Variants in PARVG observed in about 807,000 individuals in gnomAD.
PARVG encodes gamma-parvin.
PARVG carries 36 observed loss-of-function variants against 44.4 expected under a neutral mutation model. That is an observed-to-expected ratio of 0.81 (90% confidence interval 0.62 to 1.07). The LOEUF (loss-of-function observed/expected upper bound fraction) is 1.07. Ranked by LOEUF, PARVG falls within the 50% of genes least tolerant of loss-of-function variation. The pLI, the probability that PARVG is intolerant of heterozygous loss-of-function variation, is 0.00. For missense variants in PARVG, 407 were observed against 407.4 expected, an observed-to-expected ratio of 1.00 and a Z score of 0.01; for synonymous variants, 170 against 174.1, an observed-to-expected ratio of 0.98 and a Z score of 0.19.
intron 6 of PARVG, among the ~76,000 whole-genome samples, chr22:44,190,153 A>T (rs1198277791): frequency 1.3e-5 from 2 of 152,214 alleles, no homozygotes; most frequent in East Asian, 3.8e-4. Flanking sequence ...CTGCATTCGC[A>T]GCCTGTAAGG....
chr22:44,181,783 T>G lies in PARVG; in HGVS notation c.-147T>G. On this transcript the variant is annotated 5_prime_UTR_variant, in exon 2 of 14. Transcript: ENST00000444313. ...GCCGGCTGAGCGGGCCTGGAGGAAGTGAGCAGCGGGGCTCCTGCCTCCCGG... is the reference window on the plus strand; with the variant it reads ...GCCGGCTGAGCGGGCCTGGAGGAAGGGAGCAGCGGGGCTCCTGCCTCCCGG... The G allele has an allele frequency of 2.0e-6, 2 of 985,324 alleles. No individual in the cohort carries two copies. Among genetic ancestry groups the G allele is most frequent in the Non-Finnish European group, 2.4e-6 (2 of 829,884 alleles). 61.0% of individuals were successfully genotyped at this position (985,324 alleles called of 1,614,324 possible). A position where few individuals can be genotyped will look rare whatever the true frequency, so the allele number is the denominator to read the frequency against.
At chr22:44,185,660 G>A (rs2054454046) in intron 3 of PARVG, 148 bp from the exon 4 acceptor site, 1 of 617,948 alleles carries the variant, frequency 1.6e-6, no homozygotes, top group Non-Finnish European at 2.9e-6. Context: ...GTGTTCGTGA[G>A]GGAAATGAGG....
At chr22:44,206,229 T>C in intron 13 of PARVG, 88 bp from the exon 14 acceptor site, 1 of 967,828 alleles carries the variant, frequency 1.0e-6, no homozygotes, top group South Asian at 1.4e-5. Flanking sequence ...ACTGAAATCC[T>C]GAATGCCAGG....
intron 12 of PARVG, among the ~76,000 whole-genome samples, chr22:44,198,984 ATCCATCAT>A (rs2054667260): frequency 9.6e-6 from 1 of 104,448 alleles, no homozygotes; most frequent in African/African-American, 3.3e-5. Context: ...CCATCCATCC[ATCCATCAT>A]CTACCTATCT....
intron 12 of PARVG, 33 bp downstream of exon 12, chr22:44,198,755 A>T (rs370242405): frequency 2.7e-6 from 4 of 1,500,548 alleles, no homozygotes; most frequent in African/African-American, 2.7e-5. Flanking sequence ...TTTATGGTCT[A>T]CCTCTAGGTG....
intron 9 of PARVG, among the ~76,000 whole-genome samples, chr22:44,195,736 G>A (rs925057056): frequency 3.9e-5 from 6 of 152,324 alleles, no homozygotes; most frequent in Non-Finnish European, 7.4e-5. Context: ...GGCAGCTCCC[G>A]TGGCCCTGGG....
chr22:44,178,788 A>T (rs184198166), upstream of PARVG, among the ~76,000 whole-genome samples: 254 of 137,084 alleles, frequency 1.9e-3, 1 homozygote, highest in Non-Finnish European at 2.9e-3. Context: ...ATCTTGGATT[A>T]AAAAAAATAC....
chr22:44,196,948 T>C (rs1569185216), intron 11 of PARVG, among the ~76,000 whole-genome samples: 1 of 152,180 alleles, frequency 6.6e-6, no homozygotes, highest in Non-Finnish European at 1.5e-5. Flanking sequence ...GCTGTGGCTT[T>C]CCACAGTGAA....
Position 44,181,935 on chromosome 22 carries a change from G to C in PARVG, c.-13+18G>C. On this transcript the variant is annotated intron_variant, in intron 2 of 13. Transcript: ENST00000444313. ...GCGGTTGGGTGAGTTCTGGCATCGG[G>C]GCCACCATACTTGAGTGTTGGGGGT... The C allele has an allele frequency of 1.0e-6, 1 of 985,628 alleles. No individual in the cohort carries two copies. Among genetic ancestry groups the C allele is most frequent in the Non-Finnish European group, 1.2e-6 (1 of 830,078 alleles). The allele number at this position is 985,628 out of a possible 1,614,324, so 61.1% of individuals were successfully genotyped here. A position where few individuals can be genotyped will look rare whatever the true frequency, so the allele number is the denominator to read the frequency against.
At chr22:44,205,000 G>A (rs968523424) in intron 12 of PARVG, among the ~76,000 whole-genome samples, 3 of 152,202 alleles carry the variant, frequency 2.0e-5, no homozygotes, top group African/African-American at 7.2e-5. Context: ...GGGAACTGTG[G>A]TGAGCCCACT....
Position 44,206,458 on chromosome 22 carries a change from T to C in PARVG, c.*32T>C, listed in dbSNP as rs1012434954. ...CTGCCTCCAAAGCCCAGAGCCTGCC[T>C]GTCAGCCCAGCTGGAGGGCCCGAGG... On this transcript the variant is annotated 3_prime_UTR_variant, in exon 14 of 14. Coordinates refer to ENST00000444313, the MANE Select transcript of PARVG (RefSeq NM_022141.7). 1.2e-6 allele frequency: 2 copies of C among 1,601,478 alleles called. No individual in the cohort carries two copies. Among genetic ancestry groups the C allele is most frequent in the Non-Finnish European group, 1.7e-6 (2 of 1,168,816 alleles).
At chr22:44,193,675 A>G (rs2054580153) in intron 8 of PARVG, 126 bp from the exon 9 acceptor site, 3 of 1,256,690 alleles carry the variant, frequency 2.4e-6, no homozygotes, top group Non-Finnish European at 3.3e-6. Context: ...AGCTGCCAGG[A>G]AAACCACAAG....
At chr22:44,183,759 G>A in intron 3 of PARVG, 1 of 400,750 alleles carries the variant, frequency 2.5e-6, no homozygotes, top group Non-Finnish European at 4.4e-6. Context: ...ATACAGATGA[G>A]GAAACTGAGG....
chr22:44,201,487 A>G (rs921922088), intron 12 of PARVG, among the ~76,000 whole-genome samples: 2 of 152,130 alleles, frequency 1.3e-5, no homozygotes, highest in Non-Finnish European at 2.9e-5. Flanking sequence ...CCTGGAGGCC[A>G]GGTGCTCTGG....
At chr22:44,181,254 C>A in intron 1 of PARVG, 69 bp downstream of exon 1, 1 of 798,428 alleles carries the variant, frequency 1.3e-6, no homozygotes, top group Non-Finnish European at 1.5e-6. Context: ...CTATTGGGTG[C>A]CGTTGGTGGG....
chr22:44,187,990 T>C (rs2054498048), intron 5 of PARVG, 112 bp downstream of exon 5: 1 of 1,055,256 alleles, frequency 9.5e-7, no homozygotes, highest in Non-Finnish European at 1.4e-6. Flanking sequence ...GTCCCGGGTT[T>C]AGGGACACCT....
rs536779824 is a variant in PARVG, at chr22:44,190,798, A to G, written c.504+132A>G. On this transcript the variant is annotated intron_variant, in intron 7 of 13. Coordinates refer to ENST00000444313, the MANE Select transcript of PARVG (RefSeq NM_022141.7). ...TGAGTTTCAGGGAACCCTGAGAAAT[A>G]GAATCCAGCCAGGATGGCCAGGGGG... is the stretch of plus-strand genomic sequence containing the variant. 501 of 759,996 alleles carry G rather than the reference A, an allele frequency of 6.6e-4. 4 individuals carry two copies. The African/African-American group carries it at 8.1e-3, about 12-fold the overall frequency. The allele number at this position is 759,996 out of a possible 1,614,324, so 47.1% of individuals were successfully genotyped here.
intron 12 of PARVG, among the ~76,000 whole-genome samples, chr22:44,201,736 C>T (rs374603785): frequency 2.0e-4 from 30 of 152,240 alleles, no homozygotes; most frequent in African/African-American, 6.8e-4. Flanking sequence ...CTGAGTTTAG[C>T]TGCTAGAGGC....
chr22:44,204,561 G>T (rs1178455367), intron 12 of PARVG, among the ~76,000 whole-genome samples: 1 of 152,228 alleles, frequency 6.6e-6, no homozygotes, highest in South Asian at 2.1e-4. Context: ...GGCTGGAGGT[G>T]GCCTGGGCCA....
Sources: allele counts gnomAD v4.1 joint callset (sites outside exome capture counted in the v4.1 genomes callset), GRCh38; gene constraint gnomAD v4.1.1; transcripts MANE v1.5; gene names NCBI Gene and HGNC (gene_info 2026-07-23, HGNC 2026-07-21).